The following PLCE1 variants were observed in gnomAD, a reference collection of about 807,000 sequenced individuals.
PLCE1 encodes phospholipase C epsilon 1.
A neutral mutation model predicts 242.8 loss-of-function variants in PLCE1; 119 were observed. The ratio of observed to expected loss-of-function variants is 0.49; its 90% CI spans 0.42 to 0.57. The LOEUF is 0.57. Among genes scored for constraint, PLCE1 ranks in the 20% least tolerant of loss-of-function variants. PLCE1 has a pLI of 0.00. For synonymous variants in PLCE1, 945 were observed against 1,017.4 expected, an observed-to-expected ratio of 0.93 and a Z score of 1.35; for missense variants, 2,441 against 2,788.8, an observed-to-expected ratio of 0.88 and a Z score of 2.81.
At chr10:94,082,131 A>AAT (rs1258356543) in intron 2 of PLCE1, 9 of 152,202 alleles carry the variant, frequency 5.9e-5, no homozygotes, top group African/African-American at 2.2e-4. Flanking sequence ...CATTCTGAGG[A>AAT]ATTAACAAGT....
chr10:94,283,686 T>C (rs1323198973), intron 20 of PLCE1, 104 bp from the exon 21 acceptor site: 1 of 1,218,812 alleles, frequency 8.2e-7, no homozygotes, highest in Non-Finnish European at 1.2e-6. Flanking sequence ...GCCTCATTCT[T>C]ATAGATAAGT....
chr10:94,320,310 A>AT (rs1443363055), intron 29 of PLCE1, among the ~76,000 whole-genome samples: 4 of 151,924 alleles, frequency 2.6e-5, no homozygotes, highest in Non-Finnish European at 5.9e-5. Flanking sequence ...AATCAAATGG[A>AT]TTTTTTCACT....
intron 2 of PLCE1, chr10:94,107,009 A>G (rs1176457909): frequency 8.1e-6 from 1 of 123,974 alleles, no homozygotes; most frequent in African/African-American, 3.1e-5. Context: ...CCTTGGTTAT[A>G]TAAAACCATA....
chr10:94,202,630 G>A (rs1446869696), intron 4 of PLCE1, among the ~76,000 whole-genome samples: 1 of 152,130 alleles, frequency 6.6e-6, no homozygotes, highest in Admixed American at 6.5e-5. Context: ...CACGTTGTTT[G>A]CTCAGTTGGC....
At chr10:94,228,528 A>G (rs1254021973) in intron 5 of PLCE1, among the ~76,000 whole-genome samples, 1 of 152,188 alleles carries the variant, frequency 6.6e-6, no homozygotes, top group Non-Finnish European at 1.5e-5. Context: ...AAGAGAAGCT[A>G]TTGATATTGT....
chr10:94,172,432 T>A (rs1166840828), intron 4 of PLCE1, among the ~76,000 whole-genome samples: 1 of 152,228 alleles, frequency 6.6e-6, no homozygotes, highest in Non-Finnish European at 1.5e-5. Context: ...TAGTTGCCTA[T>A]TTTGGTCATT....
chr10:94,255,914 A>ACCCTCTCTCTCTCTCT (rs1284531207), intron 11 of PLCE1, among the ~76,000 whole-genome samples: 1 of 67,286 alleles, frequency 1.5e-5, no homozygotes, highest in Non-Finnish European at 2.8e-5. Flanking sequence ...ACACACACAC[A>ACCCTCTCTCTCTCTCT]CTCTCTCTCT....
intron 27 of PLCE1, among the ~76,000 whole-genome samples, chr10:94,311,174 G>T (rs76351698): frequency 2.0e-5 from 3 of 152,196 alleles, no homozygotes; most frequent in African/African-American, 7.2e-5. Context: ...GGAAGCTCTC[G>T]GAACCCCATC....
intron 3 of PLCE1, among the ~76,000 whole-genome samples, chr10:94,146,343 A>C (rs751335158): frequency 6.6e-6 from 1 of 152,186 alleles, no homozygotes; most frequent in Non-Finnish European, 1.5e-5. Context: ...AATGAAATGC[A>C]ATAAAAATTA....
intron 2 of PLCE1, among the ~76,000 whole-genome samples, chr10:94,051,937 A>G (rs1003843595): frequency 1.3e-5 from 2 of 152,298 alleles, no homozygotes; most frequent in African/African-American, 2.4e-5. Flanking sequence ...CTCTTCTCCA[A>G]TTTCTCCCAC....
At chr10:94,247,955 G>A (rs2050745038) in intron 8 of PLCE1, among the ~76,000 whole-genome samples, 1 of 152,114 alleles carries the variant, frequency 6.6e-6, no homozygotes, top group Non-Finnish European at 1.5e-5. Flanking sequence ...AAAGTATTCA[G>A]TTTTTCTTTG....
At position 94,053,348 on chromosome 10, in the gene PLCE1, CT is replaced by C. The variant is rs2043815092; in HGVS notation, c.1206+21097del. ...TAGCTGCTGCTATTGTCATTATGAT[CT>C]CTGTGACTACTAATCGTAAGAATGA... is the stretch of plus-strand genomic sequence containing the variant. On this transcript the variant is annotated intron_variant, in intron 2 of 32. Coordinates refer to ENST00000371380, the MANE Select transcript of PLCE1 (RefSeq NM_016341.4). Among the ~76,000 whole-genome samples the C allele has an allele frequency of 2.0e-5, 3 of 152,220 alleles. No homozygotes were observed. The South Asian group carries it at 6.2e-4, about 31-fold the overall frequency.
At chr10:94,252,604 AGGTAT>A in intron 9 of PLCE1, 106 bp downstream of exon 9, 2 of 977,818 alleles carry the variant, frequency 2.0e-6, no homozygotes, top group South Asian at 2.8e-5. Context: ...GGACAAAGTC[AGGTAT>A]AAAATAGAAG....
At chr10:94,019,483 T>A (rs1227122587) in intron 1 of PLCE1, among the ~76,000 whole-genome samples, 1 of 152,184 alleles carries the variant, frequency 6.6e-6, no homozygotes, top group Non-Finnish European at 1.5e-5. Flanking sequence ...CCACCCTGCT[T>A]CCAGCAGCAA....
intron 2 of PLCE1, among the ~76,000 whole-genome samples, chr10:94,071,377 G>T (rs757780270): frequency 1.3e-5 from 2 of 151,722 alleles, no homozygotes; most frequent in Non-Finnish European, 2.9e-5. Flanking sequence ...TCCACCTCAG[G>T]CTGACTTTCC....
chr10:94,075,076 A>G (rs150197487), intron 2 of PLCE1, among the ~76,000 whole-genome samples: 3 of 152,204 alleles, frequency 2.0e-5, no homozygotes, highest in Admixed American at 6.5e-5. Flanking sequence ...CCTAATTATT[A>G]TCTTTCAAGA....
intron 1 of PLCE1, among the ~76,000 whole-genome samples, chr10:94,009,067 G>T (rs2061111033): frequency 6.6e-6 from 1 of 152,096 alleles, no homozygotes; most frequent in Non-Finnish European, 1.5e-5. Flanking sequence ...AATAACTGAG[G>T]CTGGGTAATT....
chr10:94,187,193 C>G (rs2136537086), intron 4 of PLCE1, among the ~76,000 whole-genome samples: 1 of 148,424 alleles, frequency 6.7e-6, no homozygotes, highest in African/African-American at 2.5e-5. Flanking sequence ...CGTGCACACA[C>G]ATTACTGCAT....
intron 3 of PLCE1, chr10:94,139,172 T>A (rs1240377402): frequency 6.6e-6 from 1 of 152,120 alleles, no homozygotes; most frequent in African/African-American, 2.4e-5. Flanking sequence ...TAATCCCAGC[T>A]ACTCAGGAGG....
Sources: allele counts gnomAD v4.1 joint callset (sites outside exome capture counted in the v4.1 genomes callset), GRCh38; gene constraint gnomAD v4.1.1; transcripts MANE v1.5; gene names NCBI Gene and HGNC (gene_info 2026-07-23, HGNC 2026-07-21).